The following ITGAV variants were observed in gnomAD, a reference collection of about 807,000 sequenced individuals.
The protein encoded by ITGAV is integrin alpha-V.
A neutral mutation model predicts 143.8 loss-of-function variants in ITGAV; 76 were observed. That is an observed-to-expected ratio of 0.53 (90% CI 0.44 to 0.64). ITGAV has a LOEUF of 0.64. Ranked by LOEUF, ITGAV falls within the 30% of genes least tolerant of loss-of-function variation. The pLI is 0.00. For missense variants in ITGAV, 1,193 were observed against 1,274.7 expected, an observed-to-expected ratio of 0.94 and a Z score of 0.98; for synonymous variants, 453 against 446.7, an observed-to-expected ratio of 1.01 and a Z score of -0.18.
intron 24 of ITGAV, 59 bp downstream of exon 24, chr2:186,667,835 A>G (rs1688943067): frequency 2.9e-6 from 3 of 1,018,458 alleles, no homozygotes; most frequent in East Asian, 5.0e-5. Flanking sequence ...GAGAGGAACA[A>G]CTAAGCTACT....
chr2:186,669,606 A>G (rs764028686), intron 25 of ITGAV, 95 bp from the exon 26 acceptor site: 18 of 804,730 alleles, frequency 2.2e-5, no homozygotes, highest in Non-Finnish European at 3.4e-5. Context: ...TTCATTCACT[A>G]TTTTTTAATC....
intron 13 of ITGAV, 92 bp downstream of exon 13, chr2:186,646,969 T>C (rs1263929255): frequency 1.2e-6 from 1 of 865,466 alleles, no homozygotes; most frequent in Non-Finnish European, 1.7e-6. Flanking sequence ...TTATAAATTA[T>C]TGCAATTCAG....
chr2:186,675,519 A>C, intron 26 of ITGAV, 85 bp from the exon 27 acceptor site: 2 of 953,494 alleles, frequency 2.1e-6, no homozygotes, highest in Non-Finnish European at 3.3e-6. Context: ...GCCATCACAC[A>C]AAAAGAAAAA....
At chr2:186,645,404 G>A (rs1304443649) in intron 12 of ITGAV, among the ~76,000 whole-genome samples, 1 of 151,976 alleles carries the variant, frequency 6.6e-6, no homozygotes, top group East Asian at 1.9e-4. Flanking sequence ...AGCTAGCTTG[G>A]TGTGTTTAAT....
At chr2:186,591,796 T>C (rs1266092582) in intron 1 of ITGAV, among the ~76,000 whole-genome samples, 1 of 152,222 alleles carries the variant, frequency 6.6e-6, no homozygotes, top group East Asian at 1.9e-4. Context: ...GACATTATTT[T>C]ATGTAGCAAG....
chr2:186,617,409 G>T (rs1415641665), intron 2 of ITGAV, among the ~76,000 whole-genome samples: 1 of 152,224 alleles, frequency 6.6e-6, no homozygotes, highest in African/African-American at 2.4e-5. Context: ...AAGGAGTAGA[G>T]TCGAAAGCTA....
At position 186,605,092 on chromosome 2, in the gene ITGAV, T is replaced by A. The variant is rs112839100; in HGVS notation, c.316+2941T>A. Among the ~76,000 whole-genome samples the A allele has an allele frequency of 2.9e-3, 438 of 152,300 alleles. 1 individual carries two copies. Among genetic ancestry groups the A allele is most frequent in the African/African-American group, 0.01 (424 of 41,564 alleles). The stretch of plus-strand genomic sequence containing the variant: ...TGTGCAGGTACCTGGGGATTGATCG[T>A]ATATCAGCACTAGTTAAAATGTGAC... On this transcript the variant is annotated intron_variant, in intron 2 of 29. Transcript: ENST00000261023.
chr2:186,641,417 T>A lies in ITGAV; in HGVS notation c.988T>A (p.Phe330Ile). The change falls in exon 12 of 30, where the codon TTC (phenylalanine) becomes ATC (isoleucine). Residue 330 changes from phenylalanine (F) to isoleucine (I), a missense_variant. Coordinates refer to ENST00000261023, the MANE Select transcript of ITGAV (RefSeq NM_002210.5). ...YADVFIGAPL[F>I]MDRGSDGKLQ... ...AGATGTGTTTATTGGAGCACCTCTC[T>A]TCATGGATCGTGGCTCTGATGGCAA... 1 of 1,614,186 alleles carries A rather than the reference T, an allele frequency of 6.2e-7. No homozygotes were observed. The highest frequency in any genetic ancestry group is 8.5e-7 in the Non-Finnish European group (1 of 1,180,002).
At chr2:186,662,926 C>T (rs998179778) in intron 18 of ITGAV, among the ~76,000 whole-genome samples, 2 of 152,038 alleles carry the variant, frequency 1.3e-5, no homozygotes, top group African/African-American at 2.4e-5. Context: ...TTTTTGTCTG[C>T]TTCTGTGCTT....
intron 2 of ITGAV, among the ~76,000 whole-genome samples, chr2:186,613,453 T>C (rs1364603951): frequency 1.3e-5 from 2 of 152,314 alleles, no homozygotes; most frequent in East Asian, 3.9e-4. Context: ...TTTCTGACTC[T>C]TTTTGTTTAT....
intron 5 of ITGAV, 63 bp from the exon 6 acceptor site, chr2:186,633,266 T>C: frequency 9.7e-7 from 1 of 1,026,198 alleles, no homozygotes; most frequent in Non-Finnish European, 1.5e-6. Flanking sequence ...TTTTCATTGA[T>C]TTCTATTTTG....
chr2:186,677,324 C>A lies in ITGAV; in HGVS notation c.*32C>A. 1 of 1,505,666 alleles carries A rather than the reference C, an allele frequency of 6.6e-7. No homozygotes were observed. Among genetic ancestry groups the A allele is most frequent in the South Asian group, 1.1e-5 (1 of 86,990 alleles). 93.3% of individuals were successfully genotyped at this position (1,505,666 alleles called of 1,614,324 possible). A position where few individuals can be genotyped will look rare whatever the true frequency, so the allele number is the denominator to read the frequency against. On this transcript the variant is annotated 3_prime_UTR_variant, in exon 30 of 30. Transcript: ENST00000261023. ...TTTTTAAGTTATGCTACATCTTGACCCACTAGAATTAGCAACTTTATTATA... is the reference window on the plus strand; with the variant it reads ...TTTTTAAGTTATGCTACATCTTGACACACTAGAATTAGCAACTTTATTATA...
At chr2:186,602,239 C>A in intron 2 of ITGAV, 88 bp downstream of exon 2, 6 of 1,031,696 alleles carry the variant, frequency 5.8e-6, no homozygotes, top group South Asian at 1.7e-5. Flanking sequence ...CCATTTAATA[C>A]AATTATATAG....
chr2:186,669,024 A>C, intron 25 of ITGAV, 104 bp downstream of exon 25: 1 of 1,033,284 alleles, frequency 9.7e-7, no homozygotes. Flanking sequence ...TTAATATAAA[A>C]CCCACTCTGC....
intron 12 of ITGAV, among the ~76,000 whole-genome samples, chr2:186,645,481 G>T (rs1444486445): frequency 1.3e-5 from 2 of 152,048 alleles, no homozygotes; most frequent in African/African-American, 2.4e-5. Context: ...TGGCGTGGGG[G>T]TGGGGATGGG....
chr2:186,651,535 G>A (rs1688430228), intron 14 of ITGAV, among the ~76,000 whole-genome samples: 2 of 151,842 alleles, frequency 1.3e-5, no homozygotes, highest in Admixed American at 1.3e-4. Context: ...ATCATATTAT[G>A]TATGTATGTA....
intron 20 of ITGAV, among the ~76,000 whole-genome samples, chr2:186,664,919 A>G (rs1171790635): frequency 1.3e-5 from 2 of 152,162 alleles, no homozygotes; most frequent in African/African-American, 4.8e-5. Context: ...CAGAGGCTGT[A>G]TGGTTTTGTA....
At chr2:186,648,079 A>G (rs1168461601) in intron 13 of ITGAV, among the ~76,000 whole-genome samples, 1 of 152,166 alleles carries the variant, frequency 6.6e-6, no homozygotes, top group Non-Finnish European at 1.5e-5. Flanking sequence ...TTTCAGAAAC[A>G]TTTCTTTATT....
At position 186,628,628 on chromosome 2, in the gene ITGAV, A is replaced by G. The variant is rs186705940; in HGVS notation, c.524-2169A>G. Among the ~76,000 whole-genome samples, 636 of 152,202 alleles carry G rather than the reference A, an allele frequency of 4.2e-3. 4 individuals are homozygous for G. The highest frequency in any genetic ancestry group is 4.9e-3 in the Non-Finnish European group (335 of 67,954). On this transcript the variant is annotated intron_variant, in intron 4 of 29. Coordinates refer to ENST00000261023, the MANE Select transcript of ITGAV (RefSeq NM_002210.5). ...TGTGTCTACACCACTACACTGCACTATGTCAAATCAACAATATACTTATCA... is the reference window on the plus strand; with the variant it reads ...TGTGTCTACACCACTACACTGCACTGTGTCAAATCAACAATATACTTATCA...
Sources: allele counts gnomAD v4.1 joint callset (sites outside exome capture counted in the v4.1 genomes callset), GRCh38; gene constraint gnomAD v4.1.1; transcripts MANE v1.5; gene names NCBI Gene and HGNC (gene_info 2026-07-23, HGNC 2026-07-21).